ANGPT1: variants seen among roughly 807,000 people sequenced by gnomAD.
The protein encoded by ANGPT1 is angiopoietin 1, also known as angiopoietin-1.
Under a neutral mutation model 62.2 loss-of-function variants are expected in ANGPT1, and 17 were observed. The ratio of observed to expected loss-of-function variants is 0.27; its 90% confidence interval spans 0.19 to 0.41. The LOEUF is 0.41. Among genes scored for constraint, ANGPT1 ranks in the 10% least tolerant of loss-of-function variants. ANGPT1 has a pLI of 1.00. For synonymous variants in ANGPT1, 199 were observed against 198.9 expected (o/e 1.00, Z 0.00); for missense variants, 478 against 594.9 (o/e 0.80, Z 2.04).
rs142837060 is a variant in ANGPT1 at position 107,345,081 on chromosome 8, G to A, written c.453+1861C>T. 1.6e-3 allele frequency among the ~76,000 whole-genome samples: 243 copies of A among 152,188 alleles called. 2 individuals are homozygous for A. Among genetic ancestry groups the A allele is most frequent in the African/African-American group, 5.0e-3 (207 of 41,528 alleles). ...ATGAAAGTGAAAAAAACACATAGGCGTCACTTCTTAAGGTAGGGCATAATT... is the reference window on the plus strand; with the variant it reads ...ATGAAAGTGAAAAAAACACATAGGCATCACTTCTTAAGGTAGGGCATAATT... On this transcript the variant is annotated intron_variant, in intron 2 of 8. Transcript: ENST00000517746.
intron 3 of ANGPT1, among the ~76,000 whole-genome samples, chr8:107,329,108 T>C (rs1364655828): frequency 6.6e-6 from 1 of 152,052 alleles, no homozygotes; most frequent in Non-Finnish European, 1.5e-5. Context: ...ACATATCATA[T>C]AAACAAGTAC....
chr8:107,312,086 TG>T (rs1296864315), intron 4 of ANGPT1, among the ~76,000 whole-genome samples: 5 of 146,932 alleles, frequency 3.4e-5, no homozygotes, highest in Non-Finnish European at 6.0e-5. Flanking sequence ...AAAAAAAGAA[TG>T]GGGAAAAATA....
chr8:107,386,615 G>C (rs1816736468), intron 1 of ANGPT1, among the ~76,000 whole-genome samples: 1 of 152,060 alleles, frequency 6.6e-6, no homozygotes, highest in Non-Finnish European at 1.5e-5. Context: ...GATGACTCTG[G>C]AGTCAGCTTG....
intron 6 of ANGPT1, among the ~76,000 whole-genome samples, chr8:107,288,603 G>GT (rs1814200835): frequency 6.6e-6 from 1 of 152,072 alleles, no homozygotes; most frequent in African/African-American, 2.4e-5. Context: ...GGTTGCACAT[G>GT]TAAGTCTGCT....
intron 1 of ANGPT1, among the ~76,000 whole-genome samples, chr8:107,421,934 T>C (rs1810906339): frequency 6.6e-6 from 1 of 152,166 alleles, no homozygotes; most frequent in Non-Finnish European, 1.5e-5. Context: ...TGTAATGACT[T>C]CTATTCATTG....
chr8:107,279,797 TTAAAGA>T (rs750017293), intron 7 of ANGPT1, among the ~76,000 whole-genome samples: 25 of 149,898 alleles, frequency 1.7e-4, no homozygotes, highest in Non-Finnish European at 1.8e-4. Context: ...AGAGCACAAG[TTAAAGA>T]TAGTTAACAG....
At position 107,374,739 on chromosome 8, in the gene ANGPT1, G is replaced by A. The variant is rs370319535; in HGVS notation, c.298-27642C>T. Among the ~76,000 whole-genome samples, 6 of 152,312 alleles carry A rather than the reference G, an allele frequency of 3.9e-5. No homozygotes were observed. The South Asian group carries it at 1.2e-3, about 32-fold the overall frequency. On this transcript the variant is annotated intron_variant, in intron 1 of 8. Transcript: ENST00000517746. ...TGGCTATTGGCCAAAGAATTGACTT[G>A]CATTTCCCAGACTGACCTGATCCCA...
chr8:107,272,892 A>T (rs1813772442), intron 7 of ANGPT1, among the ~76,000 whole-genome samples: 1 of 149,496 alleles, frequency 6.7e-6, no homozygotes, highest in Non-Finnish European at 1.5e-5. Context: ...GAATACATAA[A>T]AAAAAAAAAA....
intron 6 of ANGPT1, among the ~76,000 whole-genome samples, chr8:107,285,552 T>C (rs866951741): frequency 1.3e-4 from 20 of 152,148 alleles, no homozygotes; most frequent in Admixed American, 6.6e-5. Context: ...TGCTCCTGAG[T>C]GAACCTAGCT....
chr8:107,484,397 C>CATT (rs1812764644), intron 1 of ANGPT1, among the ~76,000 whole-genome samples: 1 of 151,918 alleles, frequency 6.6e-6, no homozygotes, highest in Non-Finnish European at 1.5e-5. Context: ...TTTAAAAAAT[C>CATT]ATTATTTTTT....
intron 1 of ANGPT1, chr8:107,494,942 G>T (rs1447964462): frequency 6.6e-6 from 1 of 152,134 alleles, no homozygotes; most frequent in Non-Finnish European, 1.5e-5. Flanking sequence ...CTCAGTTTCT[G>T]CAGGGTGTTG....
intron 7 of ANGPT1, among the ~76,000 whole-genome samples, chr8:107,281,788 A>G (rs931745727): frequency 5.9e-5 from 9 of 152,192 alleles, no homozygotes; most frequent in Non-Finnish European, 1.0e-4. Flanking sequence ...CAAAAAAACA[A>G]TGTGTCTAAT....
intron 5 of ANGPT1, among the ~76,000 whole-genome samples, chr8:107,300,287 T>A (rs1024532195): frequency 1.5e-4 from 22 of 151,340 alleles, no homozygotes; most frequent in African/African-American, 5.1e-4. Context: ...CACACAATAT[T>A]TGTTCTTACC....
At chr8:107,416,900 T>G (rs1435817067) in intron 1 of ANGPT1, among the ~76,000 whole-genome samples, 1 of 151,496 alleles carries the variant, frequency 6.6e-6, no homozygotes, top group Non-Finnish European at 1.5e-5. Context: ...CAAGCAATTC[T>G]CCCGCCTCAG....
chr8:107,345,013 G>A (rs971759310), intron 2 of ANGPT1, among the ~76,000 whole-genome samples: 6 of 152,104 alleles, frequency 3.9e-5, no homozygotes, highest in African/African-American at 7.2e-5. Flanking sequence ...CAGGTTCGAA[G>A]CATCACAGCT....
At position 107,321,956 on chromosome 8, in the gene ANGPT1, G is replaced by T. The variant is rs143838205; in HGVS notation, c.748C>A (p.Gln250Lys). 29 of 1,614,032 alleles carry T rather than the reference G, an allele frequency of 1.8e-5. No individual in the cohort carries two copies. The Admixed American group carries it at 1.8e-4, about 10-fold the overall frequency. ...ACTGTGTCCATCAGCTCCAGTTGCT[G>T]CTTCTGAAGGACACTGTTGTTGGTG... is the stretch of plus-strand genomic sequence containing the variant. ...ATTNNSVLQKQQLELMDTVHN... is the reference protein window; with the variant it reads ...ATTNNSVLQKKQLELMDTVHN... Residue 250 changes from glutamine to lysine, a missense_variant, in exon 4 of 9, where the codon CAG becomes AAG. Transcript: ENST00000517746.
intron 1 of ANGPT1, among the ~76,000 whole-genome samples, chr8:107,366,132 T>C (rs975091371): frequency 6.6e-6 from 1 of 152,236 alleles, no homozygotes; most frequent in Non-Finnish European, 1.5e-5. Context: ...TTATTTATTA[T>C]GTTATCACTA....
intron 1 of ANGPT1, among the ~76,000 whole-genome samples, chr8:107,362,223 A>G (rs2130208616): frequency 6.6e-6 from 1 of 152,342 alleles, no homozygotes; most frequent in East Asian, 1.9e-4. Flanking sequence ...TGCCATGAAT[A>G]CATAAATATG....
At chr8:107,342,022 G>A (rs1015813857) in intron 2 of ANGPT1, among the ~76,000 whole-genome samples, 1 of 152,078 alleles carries the variant, frequency 6.6e-6, no homozygotes, top group Non-Finnish European at 1.5e-5. Context: ...TCACGAGTAA[G>A]GAAGGAGTCC....
Sources: allele counts gnomAD v4.1 joint callset (sites outside exome capture counted in the v4.1 genomes callset), GRCh38; gene constraint gnomAD v4.1.1; transcripts MANE v1.5; gene names NCBI Gene and HGNC (gene_info 2026-07-23, HGNC 2026-07-21).